Variants in NXPE2 observed in about 807,000 individuals in gnomAD.
The protein encoded by NXPE2 is NXPE family member 2.
A neutral mutation model predicts 34.4 loss-of-function variants in NXPE2; 34 were observed. The ratio of observed to expected loss-of-function variants is 0.99; its 90% CI spans 0.75 to 1.31. NXPE2 has a LOEUF of 1.31. NXPE2 is among the 40% of genes most tolerant of loss of function. The pLI, the probability that NXPE2 is intolerant of heterozygous loss-of-function variation, is 0.00. For synonymous variants in NXPE2, 235 were observed against 231.3 expected (o/e 1.02, Z -0.15); for missense variants, 649 against 672.5 (o/e 0.97, Z 0.39).
the NXPE2 span, among the ~76,000 whole-genome samples, chr11:114,597,022 A>C: frequency 1.3e-5 from 2 of 152,204 alleles, no homozygotes; most frequent in Non-Finnish European, 2.9e-5. Context: ...TATATGTATA[A>C]CAACATAAGC....
chr11:114,556,124 T>TG, the NXPE2 span, among the ~76,000 whole-genome samples: 3 of 152,238 alleles, frequency 2.0e-5, no homozygotes, highest in Non-Finnish European at 1.5e-5. Flanking sequence ...TAGGTAAATT[T>TG]GGGGAGAATT....
At chr11:114,550,667 A>G in the NXPE2 span, among the ~76,000 whole-genome samples, 1 of 152,160 alleles carries the variant, frequency 6.6e-6, no homozygotes, top group Non-Finnish European at 1.5e-5. Context: ...AGCGGGAAAA[A>G]CTTTCTAACT....
the NXPE2 span, among the ~76,000 whole-genome samples, chr11:114,771,521 G>T: frequency 6.6e-6 from 1 of 152,144 alleles, no homozygotes; most frequent in Admixed American, 6.5e-5. Context: ...GTCACAGGGA[G>T]ACAGAATGGT....
At chr11:114,582,712 C>T in the NXPE2 span, 3 of 1,614,162 alleles carry the variant, frequency 1.9e-6, no homozygotes, top group Non-Finnish European at 2.5e-6. Flanking sequence ...CTCAGGAAAT[C>T]CCCGCCATAT....
the NXPE2 span, among the ~76,000 whole-genome samples, chr11:114,741,689 ACTT>A: frequency 2.0e-5 from 3 of 151,584 alleles, no homozygotes; most frequent in Non-Finnish European, 4.4e-5. Flanking sequence ...AGTCTATCAA[ACTT>A]CTTGTTTTGC....
the NXPE2 span, chr11:114,571,102 G>A: frequency 6.2e-7 from 1 of 1,613,946 alleles, no homozygotes; most frequent in Non-Finnish European, 8.5e-7. Flanking sequence ...ATGTAACCAT[G>A]AAAGTCACTA....
At chr11:114,646,195 T>G in the NXPE2 span, among the ~76,000 whole-genome samples, 1 of 152,074 alleles carries the variant, frequency 6.6e-6, no homozygotes, top group South Asian at 2.1e-4. Flanking sequence ...TGTCTAAAGT[T>G]TCTCTGTTAA....
At chr11:114,770,518 C>T in the NXPE2 span, among the ~76,000 whole-genome samples, 141,186 of 152,310 alleles carry the variant, frequency 0.93, 66,404 homozygotes, top group East Asian at 1. Context: ...TTAGCACATA[C>T]GTAAATTCAT....
At chr11:114,467,412 G>T in the NXPE2 span, among the ~76,000 whole-genome samples, 1 of 152,144 alleles carries the variant, frequency 6.6e-6, no homozygotes, top group Non-Finnish European at 1.5e-5. Flanking sequence ...AGGAGATCTA[G>T]TCCTAAAAAT....
At chr11:114,748,168 A>G in the NXPE2 span, among the ~76,000 whole-genome samples, 1 of 151,918 alleles carries the variant, frequency 6.6e-6, no homozygotes, top group African/African-American at 2.4e-5. Context: ...CTTTTTTATT[A>G]ATATTTTGTT....
chr11:114,676,867 A>G (rs1013478523), upstream of NXPE2, among the ~76,000 whole-genome samples: 1 of 152,074 alleles, frequency 6.6e-6, no homozygotes, highest in African/African-American at 2.4e-5. Context: ...AGTATGCATC[A>G]ACAGATGAAC....
At chr11:114,749,581 G>T in the NXPE2 span, among the ~76,000 whole-genome samples, 358 of 152,272 alleles carry the variant, frequency 2.4e-3, 2 homozygotes, top group African/African-American at 8.3e-3. Context: ...AGTTCACAAG[G>T]ATGCACCACA....
chr11:114,613,053 G>T, the NXPE2 span, among the ~76,000 whole-genome samples: 11 of 151,902 alleles, frequency 7.2e-5, no homozygotes, highest in African/African-American at 2.7e-4. Flanking sequence ...AATACTTGTT[G>T]CCTTGAGGGT....
chr11:114,566,833 G>A, the NXPE2 span, among the ~76,000 whole-genome samples: 5 of 152,084 alleles, frequency 3.3e-5, no homozygotes, highest in Non-Finnish European at 5.9e-5. Context: ...TTAGAGAGTA[G>A]TCTATTTGTT....
the NXPE2 span, among the ~76,000 whole-genome samples, chr11:114,718,032 A>G: frequency 3.3e-5 from 5 of 152,222 alleles, no homozygotes; most frequent in Non-Finnish European, 5.9e-5. Flanking sequence ...CTCTGTGTCT[A>G]CAATGCTGGG....
the NXPE2 span, among the ~76,000 whole-genome samples, chr11:114,663,680 A>ATCTATCTATCTG: frequency 7.7e-6 from 1 of 130,128 alleles, no homozygotes; most frequent in African/African-American, 3.2e-5. Context: ...CTATCTATTT[A>ATCTATCTATCTG]TCTATCTATC....
chr11:114,468,851 T>C, the NXPE2 span, among the ~76,000 whole-genome samples: 1 of 152,192 alleles, frequency 6.6e-6, no homozygotes, highest in Admixed American at 6.5e-5. Context: ...CCAGTTCATA[T>C]ATCTGATGGA....
the NXPE2 span, among the ~76,000 whole-genome samples, chr11:114,633,251 A>C: frequency 7.4e-6 from 1 of 134,930 alleles, no homozygotes; most frequent in African/African-American, 2.8e-5. Context: ...ATAATATATA[A>C]TATATAAGAA....
chr11:114,617,593 G>C, the NXPE2 span, among the ~76,000 whole-genome samples: 4 of 151,942 alleles, frequency 2.6e-5, no homozygotes, highest in Non-Finnish European at 4.4e-5. Flanking sequence ...GTGTTACCCG[G>C]TGCATAATAA....
Sources: allele counts gnomAD v4.1 joint callset (sites outside exome capture counted in the v4.1 genomes callset), GRCh38; gene constraint gnomAD v4.1.1; transcripts MANE v1.5; gene names NCBI Gene and HGNC (gene_info 2026-07-23, HGNC 2026-07-21).